Variants in PRUNE2 observed in about 807,000 individuals in gnomAD.
PRUNE2 encodes the protein protein prune homolog 2.
PRUNE2 carries 164 observed loss-of-function variants against 252.0 expected under a neutral mutation model. That is an observed-to-expected ratio of 0.65 (90% CI 0.57 to 0.74). The LOEUF is 0.74. PRUNE2 is among the 30% of genes least tolerant of loss of function. The pLI is 0.00. For synonymous variants in PRUNE2, 1,292 were observed against 1,350.2 expected (o/e 0.96, Z 0.94); for missense variants, 3,495 against 3,711.0 (o/e 0.94, Z 1.51).
intron 6 of PRUNE2, among the ~76,000 whole-genome samples, chr9:76,814,523 T>C (rs1054027927): frequency 2.0e-5 from 3 of 152,108 alleles, no homozygotes; most frequent in Non-Finnish European, 4.4e-5. Context: ...TGAGAGATAA[T>C]GATATGTGGT....
chr9:76,862,152 C>T (rs979211112), intron 1 of PRUNE2: 1 of 152,548 alleles, frequency 6.6e-6, no homozygotes, highest in African/African-American at 2.4e-5. Flanking sequence ...GGCACGGTGG[C>T]TCACGCCTGT....
intron 2 of PRUNE2, among the ~76,000 whole-genome samples, chr9:76,851,794 A>G: frequency 6.6e-6 from 1 of 152,018 alleles, no homozygotes; most frequent in East Asian, 1.9e-4. Context: ...GATCTGTGGC[A>G]ACCAGAGAAA....
chr9:76,767,621 C>T (rs673575), intron 6 of PRUNE2, among the ~76,000 whole-genome samples: 74,507 of 151,966 alleles, frequency 0.49, 18,794 homozygotes, highest in East Asian at 0.67. Flanking sequence ...GTTTCCCTAC[C>T]TTCTTTGTTG....
chr9:76,712,417 C>T (rs974629622), intron 7 of PRUNE2, among the ~76,000 whole-genome samples: 9 of 143,684 alleles, frequency 6.3e-5, no homozygotes, highest in Non-Finnish European at 1.3e-4. Flanking sequence ...AAGAGGAACT[C>T]GCTAGGCCAG....
intron 18 of PRUNE2, among the ~76,000 whole-genome samples, chr9:76,616,907 C>A (rs1829990635): frequency 6.6e-6 from 1 of 151,588 alleles, no homozygotes; most frequent in Non-Finnish European, 1.5e-5. Flanking sequence ...TGAAGAAATT[C>A]ATAAAATCCA....
At chr9:76,744,151 G>GA (rs1408863593) in intron 6 of PRUNE2, among the ~76,000 whole-genome samples, 1 of 152,278 alleles carries the variant, frequency 6.6e-6, no homozygotes, top group East Asian at 1.9e-4. Context: ...ACCCACACAA[G>GA]AAAAAACTCT....
chr9:76,864,626 C>A (rs1049817394), intron 1 of PRUNE2, among the ~76,000 whole-genome samples: 9 of 152,126 alleles, frequency 5.9e-5, no homozygotes, highest in Middle Eastern at 3.4e-3. Flanking sequence ...ATAGTTGTAC[C>A]ATTTTGCCAT....
intron 6 of PRUNE2, among the ~76,000 whole-genome samples, chr9:76,794,117 G>T (rs908443917): frequency 6.6e-6 from 1 of 152,088 alleles, no homozygotes; most frequent in Non-Finnish European, 1.5e-5. Flanking sequence ...TATATATCAG[G>T]AACTACTGAG....
At chr9:76,847,456 T>A (rs545335731) in intron 3 of PRUNE2, among the ~76,000 whole-genome samples, 74 of 151,918 alleles carry the variant, frequency 4.9e-4, no homozygotes, top group African/African-American at 1.7e-3. Flanking sequence ...ATAATACTTT[T>A]AAAAAGTATT....
chr9:76,711,395 G>A, intron 7 of PRUNE2, 37 bp from the exon 8 acceptor site: 1 of 1,409,238 alleles, frequency 7.1e-7, no homozygotes, highest in Non-Finnish European at 9.7e-7. Flanking sequence ...CAGCACTCAA[G>A]CACTGTTGCA....
intron 4 of PRUNE2, among the ~76,000 whole-genome samples, chr9:76,826,934 A>G (rs1238178956): frequency 1.3e-5 from 2 of 152,186 alleles, no homozygotes; most frequent in African/African-American, 2.4e-5. Context: ...TTCTCCAAGT[A>G]CTGCTCTCTA....
At chr9:76,689,722 T>A (rs1180489131) in intron 9 of PRUNE2, among the ~76,000 whole-genome samples, 3 of 152,000 alleles carry the variant, frequency 2.0e-5, no homozygotes, top group African/African-American at 7.3e-5. Context: ...GACCCCTGAG[T>A]TCTGATCCCA....
intron 17 of PRUNE2, 124 bp downstream of exon 17, chr9:76,624,328 G>T (rs566392408): frequency 5.5e-6 from 3 of 548,480 alleles, no homozygotes; most frequent in Middle Eastern, 2.8e-4. Context: ...AGGAGAAAGA[G>T]AATTTCTAAA....
Position 76,704,969 on chromosome 9 carries a change from A to T in PRUNE2, c.7305T>A (p.Pro2435=). 6.2e-7 allele frequency: 1 copy of T among 1,613,480 alleles called. No individual in the cohort carries two copies. Among genetic ancestry groups the T allele is most frequent in the African/African-American group, 1.3e-5 (1 of 75,038 alleles). Residue 2435 remains proline (P), a synonymous_variant, in exon 8 of 19, where the codon CCT becomes CCA. Coordinates refer to ENST00000376718, the MANE Select transcript of PRUNE2 (RefSeq NM_015225.3). ...RAAEIVLSAL[P]DRRSEGNQAE... ...CCTGGTTTCCCTCACTTCTTCGATCAGGAAGTGCAGAAAGCACTATCTCTG... is the reference window on the plus strand; with the variant it reads ...CCTGGTTTCCCTCACTTCTTCGATCTGGAAGTGCAGAAAGCACTATCTCTG...
chr9:76,855,082 A>AAATATATATATATATATATATATATAT (rs1490285240), intron 1 of PRUNE2, among the ~76,000 whole-genome samples: 1 of 109,438 alleles, frequency 9.1e-6, no homozygotes, highest in African/African-American at 3.9e-5. Context: ...AAAAAAAAAA[A>AAATATATATATATATATATATATATAT]ATATATATAT....
chr9:76,665,557 C>G (rs2039981216), intron 9 of PRUNE2, among the ~76,000 whole-genome samples: 1 of 152,226 alleles, frequency 6.6e-6, no homozygotes, highest in African/African-American at 2.4e-5. Context: ...CTGCCACCCT[C>G]TCCACACACA....
At chr9:76,845,174 AAC>A (rs2059610388) in intron 4 of PRUNE2, among the ~76,000 whole-genome samples, 2 of 152,334 alleles carry the variant, frequency 1.3e-5, no homozygotes, top group South Asian at 4.1e-4. Flanking sequence ...CACTACCAAT[AAC>A]AGTCATATCT....
chr9:76,709,675 T>C lies in PRUNE2; in HGVS notation c.2599A>G (p.Lys867Glu), dbSNP rs2046571463. The C allele has an allele frequency of 6.2e-7, 1 of 1,614,032 alleles. No homozygotes were observed. The highest frequency in any genetic ancestry group is 8.5e-7 in the Non-Finnish European group (1 of 1,179,886). ...TGATCCCTGGAGTCATTGTTTTTCT[T>C]GCCCCAGATTTCTGGAGCTGCTTCA... ...NNEAAPEIWGKKNNDSRDHIF... is the reference protein window; with the variant it reads ...NNEAAPEIWGEKNNDSRDHIF... Residue 867 changes from lysine (K) to glutamate (E), a missense_variant, in exon 8 of 19, where the codon AAG (lysine) becomes GAG (glutamate). By Grantham distance (56) the Lys-to-Glu change is moderately conservative. Transcript: ENST00000376718.
intron 1 of PRUNE2, among the ~76,000 whole-genome samples, chr9:76,885,469 G>A (rs1474813933): frequency 2.0e-5 from 3 of 152,038 alleles, no homozygotes; most frequent in Non-Finnish European, 4.4e-5. Context: ...CACCCACTAA[G>A]TCCTGATTAC....
Sources: allele counts gnomAD v4.1 joint callset (sites outside exome capture counted in the v4.1 genomes callset), GRCh38; gene constraint gnomAD v4.1.1; transcripts MANE v1.5; gene names NCBI Gene and HGNC (gene_info 2026-07-23, HGNC 2026-07-21).